Variants in TIA1 observed in about 807,000 individuals in gnomAD.
TIA1 encodes the protein TIA1 cytotoxic granule associated RNA binding protein.
A neutral mutation model predicts 65.9 loss-of-function variants in TIA1; 23 were observed. That is an observed-to-expected ratio of 0.35 (90% confidence interval 0.25 to 0.49). The LOEUF is 0.49. Ranked by LOEUF, TIA1 falls within the 20% of genes least tolerant of loss-of-function variation. The pLI, the probability that TIA1 is intolerant of heterozygous loss-of-function variation, is 0.98. For synonymous variants in TIA1, 147 were observed against 149.4 expected, an observed-to-expected ratio of 0.98 and a Z score of 0.12; for missense variants, 371 against 477.9, an observed-to-expected ratio of 0.78 and a Z score of 2.09.
At position 70,225,478 on chromosome 2, in the gene TIA1, A is replaced by C. The variant is rs572375513; in HGVS notation, c.399-849T>G. On this transcript the variant is annotated intron_variant, in intron 6 of 12. Transcript: ENST00000433529. ...AAAACTCCATACCTCAAAAAATTGGACTCAAATTGTGCTTCACAGGCAATC... is the reference window on the plus strand; with the variant it reads ...AAAACTCCATACCTCAAAAAATTGGCCTCAAATTGTGCTTCACAGGCAATC... The C allele has an allele frequency of 3.2e-6, 4 of 1,260,156 alleles. No homozygotes were observed. The East Asian group carries it at 2.3e-4, about 74-fold the overall frequency. The allele number at this position is 1,260,156 out of a possible 1,614,324, so 78.1% of individuals were successfully genotyped here.
intron 2 of TIA1, among the ~76,000 whole-genome samples, chr2:70,233,153 T>TA (rs1687267757): frequency 6.6e-6 from 1 of 152,158 alleles, no homozygotes; most frequent in African/African-American, 2.4e-5. Flanking sequence ...AATTTTTTTT[T>TA]AGAGATGTGG....
chr2:70,247,126 C>G (rs781778884), intron 1 of TIA1, among the ~76,000 whole-genome samples: 1 of 152,134 alleles, frequency 6.6e-6, no homozygotes, highest in Non-Finnish European at 1.5e-5. Flanking sequence ...GAGTATTCAT[C>G]TACAGATACA....
intron 7 of TIA1, among the ~76,000 whole-genome samples, chr2:70,222,309 G>A (rs1401696351): frequency 2.0e-5 from 3 of 152,132 alleles, no homozygotes; most frequent in Non-Finnish European, 4.4e-5. Context: ...TGTAAGTTTG[G>A]TGGTTGAAAG....
intron 1 of TIA1, among the ~76,000 whole-genome samples, chr2:70,241,599 G>GA (rs373871984): frequency 1.2e-4 from 18 of 152,098 alleles, no homozygotes; most frequent in Admixed American, 3.3e-4. Flanking sequence ...AGTAAGTTAA[G>GA]AAAAAAGAAG....
At chr2:70,246,941 G>A (rs1694646077) in intron 1 of TIA1, among the ~76,000 whole-genome samples, 1 of 152,014 alleles carries the variant, frequency 6.6e-6, no homozygotes, top group African/African-American at 2.4e-5. Flanking sequence ...AAAGTTAAGT[G>A]GTCAGATACT....
At chr2:70,235,636 T>C (rs907602832) in intron 2 of TIA1, among the ~76,000 whole-genome samples, 61 of 151,972 alleles carry the variant, frequency 4.0e-4, no homozygotes, top group African/African-American at 1.3e-3. Flanking sequence ...AAAACTTGAA[T>C]GATGACCTTT....
chr2:70,229,860 C>T (rs1422009198), intron 3 of TIA1, among the ~76,000 whole-genome samples: 4 of 152,016 alleles, frequency 2.6e-5, no homozygotes, highest in African/African-American at 9.7e-5. Flanking sequence ...ATTGCTTGAA[C>T]CCATGAGGCA....
chr2:70,227,919 A>T, intron 5 of TIA1, 97 bp from the exon 6 acceptor site: 1 of 718,280 alleles, frequency 1.4e-6, no homozygotes, highest in Non-Finnish European at 2.3e-6. Context: ...TAAAATGATT[A>T]TGGCTTATGA....
chr2:70,233,597 C>A (rs1332351545), intron 2 of TIA1, among the ~76,000 whole-genome samples: 1 of 152,010 alleles, frequency 6.6e-6, no homozygotes, highest in Non-Finnish European at 1.5e-5. Context: ...GAAACCCTGT[C>A]TCTACTGAAA....
At chr2:70,222,548 G>A (rs1183198657) in intron 7 of TIA1, among the ~76,000 whole-genome samples, 1 of 152,160 alleles carries the variant, frequency 6.6e-6, no homozygotes, top group East Asian at 1.9e-4. Flanking sequence ...GCGTAACAGA[G>A]CCAAGCACGT....
chr2:70,212,692 A>G lies in TIA1; in HGVS notation c.*27T>C. 1 of 1,469,926 alleles carries G rather than the reference A, an allele frequency of 6.8e-7. No homozygotes were observed. The highest frequency in any genetic ancestry group is 9.5e-7 in the Non-Finnish European group (1 of 1,048,552). 91.1% of individuals were successfully genotyped at this position (1,469,926 alleles called of 1,614,324 possible). On this transcript the variant is annotated 3_prime_UTR_variant, in exon 13 of 13. Coordinates refer to ENST00000433529, the MANE Select transcript of TIA1 (RefSeq NM_022173.4). ...ACTACACTCCCTGTAGCCTCAAGCC[A>G]CTGGCTTTAGATTCTGGAGTCCTTA... is the stretch of plus-strand genomic sequence containing the variant.
intron 7 of TIA1, among the ~76,000 whole-genome samples, chr2:70,219,978 C>A (rs541077426): frequency 2.4e-4 from 36 of 152,166 alleles, no homozygotes; most frequent in African/African-American, 8.2e-4. Context: ...TTGTGTCCCT[C>A]AAAACGATAT....
In TIA1 at chr2:70,232,265, G is replaced by A. The variant is rs113881295; in HGVS notation, c.124-1411C>T. ...GAAAAAAAATTATCTTCCCAGCCAG[G>A]CATGATGGCTCACACCTGTAATCCC... is the stretch of plus-strand genomic sequence containing the variant. On this transcript the variant is annotated intron_variant, in intron 2 of 12. Transcript: ENST00000433529. Among the ~76,000 whole-genome samples, 1,032 of 150,718 alleles carry A rather than the reference G, an allele frequency of 6.8e-3. 13 individuals carry two copies. The highest frequency in any genetic ancestry group is 0.024 in the African/African-American group (995 of 41,174).
rs758283753 is a variant in TIA1 at position 70,214,342 on chromosome 2, T to C, written c.1034+7A>G. Reference sequence around the variant, plus strand: ...GGTTAGTAAAGGAAGACATAAGATATGCTTACTTAAATCCTTGCTGGTTCC... The same window carrying C: ...GGTTAGTAAAGGAAGACATAAGATACGCTTACTTAAATCCTTGCTGGTTCC... On this transcript the variant is annotated splice_region_variant and intron_variant, in intron 12 of 12. Coordinates refer to ENST00000433529, the MANE Select transcript of TIA1 (RefSeq NM_022173.4). The C allele has an allele frequency of 6.8e-6, 11 of 1,606,094 alleles. No homozygotes were observed. The highest frequency in any genetic ancestry group is 2.2e-5 in the East Asian group (1 of 44,788).
In TIA1 at chr2:70,224,536, A is replaced by C; in HGVS notation, c.474+18T>G. 1 of 1,614,038 alleles carries C rather than the reference A, an allele frequency of 6.2e-7. No homozygotes were observed. Among genetic ancestry groups the C allele is most frequent in the Non-Finnish European group, 8.5e-7 (1 of 1,179,970 alleles). On this transcript the variant is annotated intron_variant, in intron 7 of 12. Transcript: ENST00000433529. ...TTTACTCTTTAAGCATTATCCATGCACTTCTCACTGAGCTCACCCATTTGT... is the reference window on the plus strand; with the variant it reads ...TTTACTCTTTAAGCATTATCCATGCCCTTCTCACTGAGCTCACCCATTTGT...
At chr2:70,216,781 C>G in intron 8 of TIA1, 105 bp downstream of exon 8, 1 of 1,605,674 alleles carries the variant, frequency 6.2e-7, no homozygotes, top group South Asian at 1.1e-5. Context: ...TGATTTGCTT[C>G]TCATCTATTT....
At chr2:70,217,689 GC>G (rs1296812374) in intron 7 of TIA1, among the ~76,000 whole-genome samples, 1 of 152,118 alleles carries the variant, frequency 6.6e-6, no homozygotes, top group Non-Finnish European at 1.5e-5. Flanking sequence ...GAGCCACTGT[GC>G]CCGGCCCTGG....
intron 6 of TIA1, 47 bp from the exon 7 acceptor site, chr2:70,224,676 G>A: frequency 6.3e-7 from 1 of 1,593,216 alleles, no homozygotes; most frequent in Non-Finnish European, 8.6e-7. Context: ...ACTATCCTCT[G>A]GATATCAAAT....
In TIA1 at chr2:70,212,507, A is replaced by T. The variant is rs2103813894; in HGVS notation, c.*212T>A. 2.4e-6 allele frequency: 1 copy of T among 414,566 alleles called. No individual in the cohort carries two copies. The highest frequency in any genetic ancestry group is 3.3e-5 in the South Asian group (1 of 30,516). 25.7% of individuals were successfully genotyped at this position (414,566 alleles called of 1,614,324 possible). ...CTGAGAAACTTTATCAAAAAAGGTA[A>T]TGAAGGCAAAAATTGGCAGACATCC... On this transcript the variant is annotated 3_prime_UTR_variant, in exon 13 of 13. Transcript: ENST00000433529.
Sources: gnomAD v4.1 joint callset for allele counts (sites outside exome capture counted in the v4.1 genomes callset) on GRCh38, gnomAD v4.1.1 for gene constraint, MANE v1.5 for transcripts, NCBI Gene and HGNC (gene_info 2026-07-23, HGNC 2026-07-21) for gene names.